Variants in UVRAG observed in about 807,000 individuals in gnomAD.
UVRAG encodes the protein UV radiation resistance-associated gene protein.
A neutral mutation model predicts 78.0 loss-of-function variants in UVRAG; 19 were observed. The observed-to-expected ratio is 0.24, with a 90% confidence interval of 0.17 to 0.36. UVRAG has a LOEUF of 0.36. Among genes scored for constraint, UVRAG ranks in the 10% least tolerant of loss-of-function variants. The pLI, the probability that UVRAG is intolerant of heterozygous loss-of-function variation, is 1.00. For synonymous variants in UVRAG, 323 were observed against 324.6 expected, an observed-to-expected ratio of 1.00 and a Z score of 0.05; for missense variants, 740 against 853.8, an observed-to-expected ratio of 0.87 and a Z score of 1.66.
intron 5 of UVRAG, among the ~76,000 whole-genome samples, chr11:75,897,504 A>G (rs1947367610): frequency 6.6e-6 from 1 of 152,170 alleles, no homozygotes; most frequent in Non-Finnish European, 1.5e-5. Context: ...GATAACTTAG[A>G]CATAGCTATA....
intron 7 of UVRAG, among the ~76,000 whole-genome samples, chr11:75,971,412 A>T (rs1196746332): frequency 6.6e-6 from 1 of 152,166 alleles, no homozygotes; most frequent in African/African-American, 2.4e-5. Flanking sequence ...TTTGTGAGAA[A>T]CTGCCAGACT....
intron 12 of UVRAG, among the ~76,000 whole-genome samples, chr11:76,041,671 C>A (rs1381848259): frequency 2.6e-5 from 4 of 152,208 alleles, no homozygotes; most frequent in African/African-American, 9.6e-5. Context: ...CCAAATTTAT[C>A]TTTTGTTCAT....
At chr11:76,007,203 G>T (rs1408964912) in intron 9 of UVRAG, among the ~76,000 whole-genome samples, 1 of 151,854 alleles carries the variant, frequency 6.6e-6, no homozygotes, top group African/African-American at 2.4e-5. Flanking sequence ...GTAGAGACGG[G>T]GTCTCCCTAT....
intron 7 of UVRAG, among the ~76,000 whole-genome samples, chr11:75,973,868 C>A (rs1725000198): frequency 6.6e-6 from 1 of 152,198 alleles, no homozygotes. Context: ...ATCCATGTCA[C>A]TGCAAAGGAC....
intron 14 of UVRAG, among the ~76,000 whole-genome samples, chr11:76,135,194 G>A (rs569817454): frequency 2.0e-5 from 3 of 152,274 alleles, no homozygotes; most frequent in South Asian, 4.1e-4. Context: ...ACTAATAAAC[G>A]AATGTAACCT....
Position 76,143,259 on chromosome 11 carries a change from C to G in UVRAG, c.*1846C>G, listed in dbSNP as rs551294330. 17 of 152,302 alleles carry G rather than the reference C, an allele frequency of 1.1e-4. No individual in the cohort carries two copies. The highest frequency in any genetic ancestry group is 3.9e-4 in the African/African-American group (16 of 41,542). 9.4% of individuals were successfully genotyped at this position (152,302 alleles called of 1,614,324 possible). ...CAACCCCGTGGGACTTACGATTGCC[C>G]CAGGTGCGGGATGGACTTAAATGTC... On this transcript the variant is annotated 3_prime_UTR_variant, in exon 15 of 15. Transcript: ENST00000356136.
intron 13 of UVRAG, among the ~76,000 whole-genome samples, chr11:76,078,813 C>T (rs1951446944): frequency 1.3e-5 from 2 of 150,564 alleles, no homozygotes. Context: ...CCTGTAGTCC[C>T]AGCTACTCAG....
chr11:75,833,145 T>C (rs1945698028), intron 1 of UVRAG, among the ~76,000 whole-genome samples: 1 of 152,218 alleles, frequency 6.6e-6, no homozygotes, highest in African/African-American at 2.4e-5. Flanking sequence ...TATGGAAAAA[T>C]GGCACCTTTT....
At chr11:76,111,787 G>A (rs1299396540) in intron 13 of UVRAG, among the ~76,000 whole-genome samples, 1 of 151,920 alleles carries the variant, frequency 6.6e-6, no homozygotes, top group African/African-American at 2.4e-5. Context: ...CCCACAGCCA[G>A]TCATCAAGCA....
At chr11:76,138,750 T>G (rs1212859827) in intron 14 of UVRAG, among the ~76,000 whole-genome samples, 1 of 152,252 alleles carries the variant, frequency 6.6e-6, no homozygotes, top group Non-Finnish European at 1.5e-5. Context: ...TTTCACCTGG[T>G]GCTTCCACCC....
intron 2 of UVRAG, among the ~76,000 whole-genome samples, chr11:75,860,458 A>G (rs1015736502): frequency 1.3e-5 from 2 of 152,242 alleles, no homozygotes; most frequent in African/African-American, 4.8e-5. Context: ...ATACAGTATT[A>G]TGTAAAAATA....
intron 3 of UVRAG, among the ~76,000 whole-genome samples, chr11:75,870,876 T>A (rs922513522): frequency 1.3e-5 from 2 of 148,248 alleles, no homozygotes; most frequent in African/African-American, 4.9e-5. Flanking sequence ...CTTTATTTTA[T>A]TTTTTTTTTT....
chr11:75,883,030 T>C (rs1398549887), intron 4 of UVRAG, among the ~76,000 whole-genome samples: 1 of 152,216 alleles, frequency 6.6e-6, no homozygotes, highest in African/African-American at 2.4e-5. Flanking sequence ...ACCAACCAGA[T>C]CCCTGCACTG....
chr11:75,967,874 T>C (rs1453112276), intron 7 of UVRAG, among the ~76,000 whole-genome samples: 1 of 152,192 alleles, frequency 6.6e-6, no homozygotes, highest in African/African-American at 2.4e-5. Context: ...AGCTTAGTAA[T>C]ATGCGAATAT....
intron 2 of UVRAG, among the ~76,000 whole-genome samples, chr11:75,853,240 G>T (rs945981157): frequency 1.3e-5 from 2 of 148,254 alleles, no homozygotes; most frequent in African/African-American, 5.2e-5. Context: ...ATTATTTAAA[G>T]CAGTGATTGT....
At chr11:75,824,239 AT>A (rs940487422) in intron 1 of UVRAG, among the ~76,000 whole-genome samples, 1 of 152,146 alleles carries the variant, frequency 6.6e-6, no homozygotes, top group African/African-American at 2.4e-5. Context: ...AATGATGGCA[AT>A]TTTTTGTGCT....
chr11:76,017,435 A>G lies in UVRAG; in HGVS notation c.1226+455A>G, dbSNP rs75956503. On this transcript the variant is annotated intron_variant, in intron 12 of 14. Coordinates refer to ENST00000356136, the MANE Select transcript of UVRAG (RefSeq NM_003369.4). ...GAAAATACAAGTGTCTAATATACAT[A>G]TAATTTCAGGCACAGAGAGGCTGGA... is the stretch of plus-strand genomic sequence containing the variant. Among the ~76,000 whole-genome samples the G allele has an allele frequency of 8.9e-3, 1,351 of 152,332 alleles. 20 individuals carry two copies. The highest frequency in any genetic ancestry group is 0.031 in the African/African-American group (1,284 of 41,588).
intron 7 of UVRAG, among the ~76,000 whole-genome samples, chr11:75,976,437 G>C (rs966317655): frequency 1.3e-5 from 2 of 152,168 alleles, no homozygotes; most frequent in African/African-American, 4.8e-5. Context: ...GTTTCATAAG[G>C]AATGGTACCA....
At chr11:75,816,302 C>A (rs1945262409) in intron 1 of UVRAG, among the ~76,000 whole-genome samples, 2 of 152,198 alleles carry the variant, frequency 1.3e-5, no homozygotes, top group Admixed American at 1.3e-4. Flanking sequence ...TGTGACAAAA[C>A]TCTTTGTTTC....
Sources: allele counts gnomAD v4.1 joint callset (sites outside exome capture counted in the v4.1 genomes callset), GRCh38; gene constraint gnomAD v4.1.1; transcripts MANE v1.5; gene names NCBI Gene and HGNC (gene_info 2026-07-23, HGNC 2026-07-21).